The following DUOX2 variants were observed in gnomAD, a reference collection of about 807,000 sequenced individuals.
The protein encoded by DUOX2 is NADH/NADPH thyroid oxidase p138-tox.
Under a neutral mutation model 183.3 loss-of-function variants are expected in DUOX2, and 185 were observed. The ratio of observed to expected loss-of-function variants is 1.01; its 90% CI spans 0.90 to 1.14. DUOX2 has a LOEUF of 1.14. Among genes scored for constraint, DUOX2 ranks in the 50% most tolerant of loss-of-function variants. The probability of loss-of-function intolerance (pLI) is 0.00; values close to 1 mark genes in which losing one functional copy is unlikely to be tolerated. For missense variants in DUOX2, 1,999 were observed against 2,022.9 expected (o/e 0.99, Z 0.23); for synonymous variants, 788 against 812.4 (o/e 0.97, Z 0.51).
At chr15:45,108,339 T>G in intron 12 of DUOX2, 117 bp from the exon 13 acceptor site, 1 of 1,228,750 alleles carries the variant, frequency 8.1e-7, no homozygotes, top group Non-Finnish European at 1.2e-6. Flanking sequence ...TCAGGCCTGA[T>G]TTCCTCTTCT....
chr15:45,103,850 C>T, intron 20 of DUOX2, 110 bp downstream of exon 20: 4 of 1,163,484 alleles, frequency 3.4e-6, no homozygotes, highest in Non-Finnish European at 5.1e-6. Flanking sequence ...TAGGCCACCT[C>T]TCAGCACAGA....
Position 45,101,235 on chromosome 15 carries a change from AC to A in DUOX2, c.2890del (p.Val964SerfsTer32). 6.2e-7 allele frequency: 1 copy of A among 1,613,782 alleles called. No homozygotes were observed. Among genetic ancestry groups the A allele is most frequent in the Non-Finnish European group, 8.5e-7 (1 of 1,179,924 alleles). ...DIFKQNISCR[V>X]SFITRTPGER... is the part of the protein sequence containing the mutation. ...CCCAGGTGTCCGAGTGATGAACGAG[AC>A]TCGACAGCTGATGTTTTGTTTAAAG... On this transcript the variant is annotated frameshift_variant, in exon 22 of 34. Coordinates refer to ENST00000389039, the MANE Select transcript of DUOX2 (RefSeq NM_001363711.2). LOFTEE classifies it high-confidence loss of function.
chr15:45,099,585 G>C, intron 25 of DUOX2, 77 bp downstream of exon 25: 2 of 1,574,076 alleles, frequency 1.3e-6, no homozygotes, highest in Middle Eastern at 3.3e-4. Flanking sequence ...GGTATAAGGA[G>C]TTCCATCTCC....
intron 26 of DUOX2, chr15:45,099,103 T>C: frequency 2.7e-6 from 1 of 370,798 alleles, no homozygotes; most frequent in Non-Finnish European, 5.2e-6. Context: ...CTCCGCCTCT[T>C]GGGTTCATGC....
intron 20 of DUOX2, among the ~76,000 whole-genome samples, chr15:45,102,746 CTGA>C (rs1453516230): frequency 6.6e-6 from 1 of 152,190 alleles, no homozygotes; most frequent in Non-Finnish European, 1.5e-5. Context: ...CTTTAGGAGG[CTGA>C]GGCGGGCTGA....
At position 45,099,665 on chromosome 15, in the gene DUOX2, C is replaced by G. The variant is rs1342850379; in HGVS notation, c.3412G>C (p.Ala1138Pro). The G allele has an allele frequency of 1.2e-5, 19 of 1,614,032 alleles. No homozygotes were observed. Among genetic ancestry groups the G allele is most frequent in the Non-Finnish European group, 1.6e-5 (19 of 1,180,034 alleles). Reference sequence around the variant, plus strand: ...AAGAAGCCTGGGAGTCACGTACTGGCCAGGACAACAGCAGCCATGGCGATC... The same window carrying G: ...AAGAAGCCTGGGAGTCACGTACTGGGCAGGACAACAGCAGCCATGGCGATC... ...RWIAMAAVVL[A>P]ILHSAGHAVN... Residue 1138 changes from alanine (A) to proline (P), a missense_variant, in exon 25 of 34, where the codon GCC becomes CCC. Ala to Pro is a conservative substitution (Grantham distance 27). Transcript: ENST00000389039.
At position 45,106,838 on chromosome 15, in the gene DUOX2, G is replaced by A. The variant is rs201221237; in HGVS notation, c.1825C>T (p.Pro609Ser). The A allele has an allele frequency of 1.5e-4, 236 of 1,595,322 alleles. No individual in the cohort carries two copies. The Middle Eastern group carries it at 6.0e-3, about 40-fold the overall frequency. ...AGGCTGCCTAAGAGCTCACCTAAGG[G>A]AAGGCAGCAGAGAGCAATGATGGTG... ...AITIIALCCL[P>S]LVSLLLSGVV... Residue 609 changes from proline (P) to serine (S), a missense_variant, in exon 15 of 34, where the codon CCC becomes TCC. Physicochemically the swap from Pro to Ser is moderately conservative, Grantham distance 74. Around this residue, in one of 3 missense-constraint regions of DUOX2, gnomAD observed 1,628 missense variants for 1,608.6 expected, o/e 1.01. Transcript: ENST00000389039.
chr15:45,105,885 C>T, intron 17 of DUOX2, 57 bp from the exon 18 acceptor site: 1 of 1,604,224 alleles, frequency 6.2e-7, no homozygotes, highest in Admixed American at 1.7e-5. Context: ...TCTGCTTCAG[C>T]CTCCCCTCAA....
chr15:45,109,444 A>G, intron 11 of DUOX2, 80 bp downstream of exon 11: 1 of 1,214,312 alleles, frequency 8.2e-7, no homozygotes. Flanking sequence ...TGAGCGCCCT[A>G]GGTCTGCTAT....
At position 45,092,810 on chromosome 15, in the gene DUOX2, T is replaced by C. The variant is rs1224387397; in HGVS notation, c.*1340A>G. 1 of 152,182 alleles carries C rather than the reference T, an allele frequency of 6.6e-6. No individual in the cohort carries two copies. Among genetic ancestry groups the C allele is most frequent in the Non-Finnish European group, 1.5e-5 (1 of 68,044 alleles). The allele number at this position is 152,182 out of a possible 1,614,324, so 9.4% of individuals were successfully genotyped here. A position where few individuals can be genotyped will look rare whatever the true frequency, so the allele number is the denominator to read the frequency against. ...CAAACTGCTGATACACACAACAGCA[T>C]GGATGAATTACAAAGGCATTATGGT... On this transcript the variant is annotated 3_prime_UTR_variant, in exon 34 of 34. Coordinates refer to ENST00000389039, the MANE Select transcript of DUOX2 (RefSeq NM_001363711.2).
rs1235960333 is a variant in DUOX2, at chr15:45,111,568, G to A, written c.531C>T (p.Gly177=). 1.3e-6 allele frequency: 2 copies of A among 1,546,162 alleles called. No homozygotes were observed. Among genetic ancestry groups the A allele is most frequent in the South Asian group, 1.2e-5 (1 of 84,032 alleles). Residue 177 remains glycine, a synonymous_variant, in exon 6 of 34, where the codon GGC becomes GGT. Coordinates refer to ENST00000389039, the MANE Select transcript of DUOX2 (RefSeq NM_001363711.2). ...NPRDLANQVT[G]WLDGSAIYGS... ...CATAGATGGCGCTGCCGTCCAGCCAGCCCGTCACCTGGTTGGCCTGCGGGG... is the reference window on the plus strand; with the variant it reads ...CATAGATGGCGCTGCCGTCCAGCCAACCCGTCACCTGGTTGGCCTGCGGGG...
intron 23 of DUOX2, 159 bp from the exon 24 acceptor site, chr15:45,100,387 C>T: frequency 1.5e-6 from 1 of 668,456 alleles, no homozygotes; most frequent in South Asian, 1.9e-5. Context: ...CTCCTCCAAC[C>T]CTTTACTTCT....
chr15:45,112,089 TTAGCCCC>T, intron 4 of DUOX2, 134 bp from the exon 5 acceptor site: 1 of 1,096,454 alleles, frequency 9.1e-7, no homozygotes, highest in Non-Finnish European at 1.3e-6. Flanking sequence ...GCTCTGCACG[TTAGCCCC>T]AGGTAGCCTC....
chr15:45,109,385 C>T, intron 11 of DUOX2, 139 bp downstream of exon 11: 14 of 683,794 alleles, frequency 2.0e-5, no homozygotes, highest in Admixed American at 5.4e-5. Flanking sequence ...AGTTCATTTT[C>T]TTCTTATGGC....
intron 4 of DUOX2, among the ~76,000 whole-genome samples, 178 bp from the exon 5 acceptor site, chr15:45,112,133 A>G (rs1169242884): frequency 4.6e-5 from 7 of 152,212 alleles, no homozygotes; most frequent in African/African-American, 1.7e-4. Context: ...AAGTAAGACT[A>G]TAGTGAGTTC....
At chr15:45,110,010 G>A (rs757971521) in intron 9 of DUOX2, 30 bp from the exon 10 acceptor site, 2 of 1,604,476 alleles carry the variant, frequency 1.2e-6, no homozygotes, top group Non-Finnish European at 1.7e-6. Context: ...ATGTGGTGAG[G>A]GAATTTGGAG....
intron 29 of DUOX2, 144 bp from the exon 30 acceptor site, chr15:45,096,204 GT>G: frequency 1.4e-6 from 1 of 734,044 alleles, no homozygotes; most frequent in East Asian, 2.7e-5. Context: ...GGGGCTGGGA[GT>G]AGGAGGGTCC....
At chr15:45,113,230 T>C (rs1473230306) in intron 2 of DUOX2, 112 bp downstream of exon 2, 2 of 1,459,582 alleles carry the variant, frequency 1.4e-6, no homozygotes, top group African/African-American at 1.4e-5. Context: ...CCCGCTGAGC[T>C]GCACGGCGAA....
Position 45,095,525 on chromosome 15 carries a change from CCCA to C in DUOX2, c.4148_4150del (p.Val1383del). The C allele has an allele frequency of 6.2e-7, 1 of 1,614,222 alleles. No homozygotes were observed. The highest frequency in any genetic ancestry group is 8.5e-7 in the Non-Finnish European group (1 of 1,180,040). ...AAAGGGGGTGACCCCAATGCCCCCT[CCCA>C]CCAACACTGACACCTCAAATTTATG... On this transcript the variant is annotated inframe_deletion, in exon 31 of 34. Transcript: ENST00000389039.
Sources: gnomAD v4.1 joint callset for allele counts (sites outside exome capture counted in the v4.1 genomes callset) on GRCh38, gnomAD v4.1.1 for gene constraint, gnomAD v4.1.1 regional missense constraint, MANE v1.5 for transcripts, NCBI Gene and HGNC (gene_info 2026-07-23, HGNC 2026-07-21) for gene names.